Variants in LRPAP1 observed in about 807,000 individuals in gnomAD.
The protein encoded by LRPAP1 is alpha-2-macroglobulin receptor-associated protein.
In LRPAP1, 41 loss-of-function variants were observed where a neutral mutation model predicts 39.9. That is an observed-to-expected ratio of 1.03 (90% CI 0.80 to 1.33). The LOEUF is 1.33. Ranked by LOEUF, LRPAP1 falls within the 40% of genes most tolerant of loss-of-function variation. LRPAP1 has a pLI of 0.00. For missense variants in LRPAP1, 565 were observed against 482.3 expected (o/e 1.17, Z -1.61); for synonymous variants, 263 against 212.7 (o/e 1.24, Z -2.06).
At position 3,518,794 on chromosome 4, in the gene LRPAP1, C is replaced by T. The variant is rs1076901; in HGVS notation, c.592+77G>A. On this transcript the variant is annotated intron_variant, in intron 4 of 7. Coordinates refer to ENST00000650182, the MANE Select transcript of LRPAP1 (RefSeq NM_002337.4). Reference sequence around the variant, plus strand: ...AGCTGAGGCTGCCCACTGAGCACAACGAGCCTCAGGTGCAGGAGGGGTGGG... The same window carrying T: ...AGCTGAGGCTGCCCACTGAGCACAATGAGCCTCAGGTGCAGGAGGGGTGGG... 748 of 1,020,982 alleles carry T rather than the reference C, an allele frequency of 7.3e-4. 3 individuals are homozygous for T. In the African/African-American group the frequency reaches 0.01, roughly 14 times the overall value. The allele number at this position is 1,020,982 out of a possible 1,614,324, so 63.2% of individuals were successfully genotyped here.
rs571947721 is a variant in LRPAP1, at chr4:3,507,940, A to C, written c.*5034T>G. The stretch of plus-strand genomic sequence containing the variant: ...TTTATGTAAATTGTTTTGATAACTT[A>C]GATGAAATTCTGCGACAAACCTATC... On this transcript the variant is annotated 3_prime_UTR_variant, in exon 8 of 8. Transcript: ENST00000650182. The C allele has an allele frequency of 6.6e-6, 1 of 152,376 alleles. No individual in the cohort carries two copies. The highest frequency in any genetic ancestry group is 2.1e-4 in the South Asian group (1 of 4,832). 9.4% of individuals were successfully genotyped at this position (152,376 alleles called of 1,614,324 possible).
chr4:3,508,256 T>C lies in LRPAP1; in HGVS notation c.*4718A>G, dbSNP rs1360111679. On this transcript the variant is annotated 3_prime_UTR_variant, in exon 8 of 8. Transcript: ENST00000650182. ...CCTGACCTCAGGTGATCCATCCACG[T>C]TGGCCTCCCAAAGTGCTGGGATTAC... is the stretch of plus-strand genomic sequence containing the variant. The C allele has an allele frequency of 2.6e-5, 4 of 152,246 alleles. No homozygotes were observed. The highest frequency in any genetic ancestry group is 4.4e-5 in the Non-Finnish European group (3 of 68,048). 9.4% of individuals were successfully genotyped at this position (152,246 alleles called of 1,614,324 possible). A position where few individuals can be genotyped will look rare whatever the true frequency, so the allele number is the denominator to read the frequency against.
At chr4:3,524,289 G>A (rs999712990) in intron 2 of LRPAP1, among the ~76,000 whole-genome samples, 4 of 152,228 alleles carry the variant, frequency 2.6e-5, no homozygotes, top group Non-Finnish European at 4.4e-5. Flanking sequence ...CCAAGCAGGC[G>A]ACTGTCCTGC....
Position 3,509,859 on chromosome 4 carries a change from G to A in LRPAP1, c.*3115C>T, listed in dbSNP as rs964540766. 4 of 151,502 alleles carry A rather than the reference G, an allele frequency of 2.6e-5. No individual in the cohort carries two copies. The highest frequency in any genetic ancestry group is 2.0e-4 in the Admixed American group (3 of 15,230). 9.4% of individuals were successfully genotyped at this position (151,502 alleles called of 1,614,324 possible). A position where few individuals can be genotyped will look rare whatever the true frequency, so the allele number is the denominator to read the frequency against. On this transcript the variant is annotated 3_prime_UTR_variant, in exon 8 of 8. Coordinates refer to ENST00000650182, the MANE Select transcript of LRPAP1 (RefSeq NM_002337.4). ...TGAGACGCCGACTGGAGTCACACAC[G>A]GCAGTCAACGCGTGGACACTGGAGA...
In LRPAP1 at chr4:3,505,845, A is replaced by ATG. The variant is rs1729339038; in HGVS notation, c.*7127_*7128dup. Among the ~76,000 whole-genome samples the ATG allele has an allele frequency of 6.6e-6, 1 of 152,152 alleles. No homozygotes were observed. The highest frequency in any genetic ancestry group is 1.5e-5 in the Non-Finnish European group (1 of 68,014). On this transcript the variant is annotated 3_prime_UTR_variant, in exon 8 of 8. Transcript: ENST00000650182. ...GAAGCCATCAAGTTCCTGGGTAGAG[A>ATG]TGACCTTTCAGATGGATGCTGACCC...
chr4:3,529,302 G>A (rs1052488062), intron 1 of LRPAP1, among the ~76,000 whole-genome samples: 6 of 151,930 alleles, frequency 3.9e-5, no homozygotes, highest in South Asian at 2.1e-4. Context: ...CAGCCTCGGC[G>A]ACAGAGTGAG....
chr4:3,524,127 C>T (rs1730007023), intron 2 of LRPAP1, among the ~76,000 whole-genome samples: 1 of 152,188 alleles, frequency 6.6e-6, no homozygotes, highest in African/African-American at 2.4e-5. Flanking sequence ...CACGGGCCCA[C>T]CTGGTGTGCG....
At chr4:3,525,241 A>C in intron 1 of LRPAP1, 190 bp from the exon 2 acceptor site, 1 of 623,438 alleles carries the variant, frequency 1.6e-6, no homozygotes, top group Non-Finnish European at 2.8e-6. Flanking sequence ...ACCAGTCTCT[A>C]GGCCTGTCTG....
At chr4:3,525,458 T>TAA (rs35905778) in intron 1 of LRPAP1, among the ~76,000 whole-genome samples, 2 of 151,714 alleles carry the variant, frequency 1.3e-5, no homozygotes, top group Non-Finnish European at 2.9e-5. Context: ...AGTTCTTTTT[T>TAA]AAAAAAAATC....
intron 1 of LRPAP1, 117 bp from the exon 2 acceptor site, chr4:3,525,168 G>A (rs530460853): frequency 1.7e-6 from 2 of 1,160,608 alleles, no homozygotes; most frequent in African/African-American, 1.5e-5. Flanking sequence ...GGAAGAGGTG[G>A]AGTCAGGGTC....
In LRPAP1 at chr4:3,508,915, G is replaced by A. The variant is rs183387675; in HGVS notation, c.*4059C>T. 6.6e-6 allele frequency: 1 copy of A among 152,224 alleles called. No individual in the cohort carries two copies. Among genetic ancestry groups the A allele is most frequent in the Non-Finnish European group, 1.5e-5 (1 of 68,006 alleles). The allele number at this position is 152,224 out of a possible 1,614,324, so 9.4% of individuals were successfully genotyped here. On this transcript the variant is annotated 3_prime_UTR_variant, in exon 8 of 8. Transcript: ENST00000650182. Reference sequence around the variant, plus strand: ...CAGTGCAGTGAGAAGCCGAGGCACAGACTGACAAGGGGAAGCAAAGCCACT... The same window carrying A: ...CAGTGCAGTGAGAAGCCGAGGCACAAACTGACAAGGGGAAGCAAAGCCACT...
chr4:3,523,971 G>C (rs368908927), intron 2 of LRPAP1, among the ~76,000 whole-genome samples: 2 of 152,254 alleles, frequency 1.3e-5, no homozygotes, highest in African/African-American at 2.4e-5. Flanking sequence ...AGGGAGCAGC[G>C]GGGGAGGGGA....
chr4:3,521,298 G>A (rs1794417), intron 2 of LRPAP1, among the ~76,000 whole-genome samples: 28,596 of 152,098 alleles, frequency 0.19, 3,574 homozygotes, highest in East Asian at 0.5. Flanking sequence ...TGGGCTCGGA[G>A]CCTCCCTTCG....
Position 3,518,083 on chromosome 4 carries a change from G to A in LRPAP1, c.702C>T (p.Gly234=). 6.2e-7 allele frequency: 1 copy of A among 1,613,058 alleles called. No individual in the cohort carries two copies. The highest frequency in any genetic ancestry group is 8.5e-7 in the Non-Finnish European group (1 of 1,179,934). ...GGCTGACCCTGCGCAGGCGGTCCAG[G>A]CCCTGGTTGATGCTGCGCAGCTTCT... ...LKEKLRSINQ[G]LDRLRRVSHQ... is the part of the protein sequence containing the mutation. Residue 234 remains glycine, a synonymous_variant, in exon 5 of 8, where the codon GGC becomes GGT. Coordinates refer to ENST00000650182, the MANE Select transcript of LRPAP1 (RefSeq NM_002337.4).
intron 1 of LRPAP1, among the ~76,000 whole-genome samples, chr4:3,530,590 C>T (rs1239713058): frequency 1.3e-5 from 2 of 152,224 alleles, no homozygotes; most frequent in African/African-American, 4.8e-5. Flanking sequence ...CAGTGAACCT[C>T]AGGGAGGTTT....
Position 3,532,344 on chromosome 4 carries a change from G to T in LRPAP1, c.69C>A (p.Leu23=). 2 of 1,593,138 alleles carry T rather than the reference G, an allele frequency of 1.3e-6. No individual in the cohort carries two copies. Among genetic ancestry groups the T allele is most frequent in the African/African-American group, 1.3e-5 (1 of 74,730 alleles). Residue 23 remains leucine (L), a synonymous_variant, in exon 1 of 8, where the codon CTC becomes CTA. Coordinates refer to ENST00000650182, the MANE Select transcript of LRPAP1 (RefSeq NM_002337.4). ...LPALLLLLLF[L]GPWPAASHGG... is the part of the protein sequence containing the mutation. ...CGTGGCTCGCAGCGGGCCAGGGCCC[G>T]AGGAAGAGCAGCAGCAGTAGCAGCG...
chr4:3,505,458 G>C lies in LRPAP1; in HGVS notation c.*7516C>G, dbSNP rs762452316. On this transcript the variant is annotated 3_prime_UTR_variant, in exon 8 of 8. Coordinates refer to ENST00000650182, the MANE Select transcript of LRPAP1 (RefSeq NM_002337.4). The stretch of plus-strand genomic sequence containing the variant: ...GTACTTCCTTGTCAAGCATGACTCC[G>C]AGCGGCACTTCTTCCACACCGCGCA... 1.3e-5 allele frequency among the ~76,000 whole-genome samples: 2 copies of C among 152,204 alleles called. No homozygotes were observed. The highest frequency in any genetic ancestry group is 4.8e-5 in the African/African-American group (2 of 41,464).
chr4:3,532,317 G>A lies in LRPAP1; in HGVS notation c.96C>T (p.Gly32=). ...FLGPWPAASH[G]GKYSREKNQP... is the part of the protein sequence containing the mutation. ...GGTTCTTCTCCCGCGAGTACTTGCC[G>A]CCGTGGCTCGCAGCGGGCCAGGGCC... Residue 32 remains glycine (G), a synonymous_variant, in exon 1 of 8, where the codon GGC becomes GGT. Transcript: ENST00000650182. 6.3e-7 allele frequency: 1 copy of A among 1,581,384 alleles called. No homozygotes were observed. Among genetic ancestry groups the A allele is most frequent in the Non-Finnish European group, 8.6e-7 (1 of 1,163,584 alleles).
intron 5 of LRPAP1, among the ~76,000 whole-genome samples, chr4:3,516,552 G>T (rs1398451871): frequency 6.6e-6 from 1 of 152,372 alleles, no homozygotes; most frequent in Middle Eastern, 3.4e-3. Context: ...TGCAGAGGCT[G>T]CCAGGACCTC....
Sources: allele counts gnomAD v4.1 joint callset (sites outside exome capture counted in the v4.1 genomes callset), GRCh38; gene constraint gnomAD v4.1.1; transcripts MANE v1.5; gene names NCBI Gene and HGNC (gene_info 2026-07-23, HGNC 2026-07-21).